Variants in HNRNPLL observed in about 807,000 individuals in gnomAD.
HNRNPLL encodes heterogeneous nuclear ribonucleoprotein L like.
HNRNPLL carries 25 observed loss-of-function variants against 67.1 expected under a neutral mutation model. The ratio of observed to expected loss-of-function variants is 0.37; its 90% CI spans 0.27 to 0.52. The LOEUF (loss-of-function observed/expected upper bound fraction) is 0.52, where lower values mean the gene tolerates loss of function less well. Ranked by LOEUF, HNRNPLL falls within the 20% of genes least tolerant of loss-of-function variation. The probability of loss-of-function intolerance (pLI) is 0.90; values close to 1 mark genes in which losing one functional copy is unlikely to be tolerated. For missense variants in HNRNPLL, 542 were observed against 673.9 expected (o/e 0.80, Z 2.17); for synonymous variants, 267 against 241.7 (o/e 1.10, Z -0.97).
At chr2:38,597,171 C>CATT (rs1185160152) in intron 1 of HNRNPLL, among the ~76,000 whole-genome samples, 2 of 152,154 alleles carry the variant, frequency 1.3e-5, no homozygotes, top group East Asian at 3.8e-4. Flanking sequence ...GTTCAATAAA[C>CATT]ATTAGTTGGC....
chr2:38,566,816 T>C (rs1481329271), intron 12 of HNRNPLL, among the ~76,000 whole-genome samples: 1 of 146,972 alleles, frequency 6.8e-6, no homozygotes, highest in Non-Finnish European at 1.5e-5. Flanking sequence ...AGACCTTGTC[T>C]CTATTAAAAA....
At position 38,562,226 on chromosome 2, in the gene HNRNPLL, G is replaced by C. The variant is rs1358673977; in HGVS notation, c.*1956C>G. On this transcript the variant is annotated 3_prime_UTR_variant, in exon 13 of 13. Transcript: ENST00000449105. ...CCTAAGTAAACTATCAAAAACATTA[G>C]TGACAGCAGCAGTATAGGGCTTACA... 6.6e-6 allele frequency: 1 copy of C among 152,138 alleles called. No homozygotes were observed. Among genetic ancestry groups the C allele is most frequent in the East Asian group, 1.9e-4 (1 of 5,198 alleles). 9.4% of individuals were successfully genotyped at this position (152,138 alleles called of 1,614,324 possible).
Position 38,566,819 on chromosome 2 carries a change from A to G in HNRNPLL, c.1573+1380T>C, listed in dbSNP as rs369313695. On this transcript the variant is annotated intron_variant, in intron 12 of 12. Transcript: ENST00000449105. Reference sequence around the variant, plus strand: ...GGCAACACAGTGAGACCTTGTCTCTATTAAAAAAAAAAAAAATTAAAAATA... The same window carrying G: ...GGCAACACAGTGAGACCTTGTCTCTGTTAAAAAAAAAAAAAATTAAAAATA... 5.4e-5 allele frequency among the ~76,000 whole-genome samples: 8 copies of G among 149,326 alleles called. No individual in the cohort carries two copies. The South Asian group carries it at 1.5e-3, about 27-fold the overall frequency.
chr2:38,602,586 TC>T lies in HNRNPLL; in HGVS notation c.40del (p.Glu14ArgfsTer92). On this transcript the variant is annotated frameshift_variant, in exon 1 of 13. Coordinates refer to ENST00000449105, the MANE Select transcript of HNRNPLL (RefSeq NM_138394.4). LOFTEE classifies it high-confidence loss of function. ...GGCCTGGCTCTCGTACTCCCGGTCC[TC>T]CTCGTACGTCTCCCTGGGGGAGGAA... ...SSSSPRETYE[E>X]DREYESQAKR... The T allele has an allele frequency of 6.4e-7, 1 of 1,571,784 alleles. No individual in the cohort carries two copies. Among genetic ancestry groups the T allele is most frequent in the Non-Finnish European group, 8.6e-7 (1 of 1,161,216 alleles).
Position 38,602,547 on chromosome 2 carries a change from G to A in HNRNPLL, c.80C>T (p.Thr27Ile), listed in dbSNP as rs1475953643. The A allele has an allele frequency of 3.2e-6, 5 of 1,563,402 alleles. No individual in the cohort carries two copies. Among genetic ancestry groups the A allele is most frequent in the Non-Finnish European group, 4.3e-6 (5 of 1,154,840 alleles). The change falls in exon 1 of 13, where the codon ACC becomes ATC. Residue 27 changes from threonine to isoleucine, a missense_variant. Around this residue, in one of 2 missense-constraint regions of HNRNPLL, gnomAD observed 127 missense variants for 98.7 expected, o/e 1.29. Transcript: ENST00000449105. ...CGAGTAGTCGATCTCCCCCTCCTCG[G>A]TCTTGAGACGCTTGGCCTGGCTCTC... ...EYESQAKRLK[T>I]EEGEIDYSAE...
intron 6 of HNRNPLL, among the ~76,000 whole-genome samples, chr2:38,578,963 A>G (rs1666413148): frequency 6.6e-6 from 1 of 152,110 alleles, no homozygotes; most frequent in Non-Finnish European, 1.5e-5. Context: ...AACGTCTCTC[A>G]TCACGCAAGT....
At chr2:38,574,256 A>G (rs1448005701) in intron 7 of HNRNPLL, among the ~76,000 whole-genome samples, 3 of 151,888 alleles carry the variant, frequency 2.0e-5, no homozygotes, top group Non-Finnish European at 2.9e-5. Flanking sequence ...ATGAGGGTGG[A>G]GAAACTGACA....
Position 38,602,886 on chromosome 2 carries a change from T to A in HNRNPLL, c.-260A>T, listed in dbSNP as rs757855306. 1 of 1,547,654 alleles carries A rather than the reference T, an allele frequency of 6.5e-7. No individual in the cohort carries two copies. The highest frequency in any genetic ancestry group is 8.7e-7 in the Non-Finnish European group (1 of 1,145,138). ...CCAACATTCAGCCTCTCCCTCCTCC[T>A]CCTCCGTCTCCGCTCCCTGCCCGGA... On this transcript the variant is annotated 5_prime_UTR_variant, in exon 1 of 13. Transcript: ENST00000449105.
rs184250668 is a variant in HNRNPLL, at chr2:38,568,860, T to C, written c.1416+273A>G. 2.2e-3 allele frequency among the ~76,000 whole-genome samples: 337 copies of C among 152,232 alleles called. 1 individual carries two copies. Among genetic ancestry groups the C allele is most frequent in the African/African-American group, 7.9e-3 (327 of 41,542 alleles). ...ATGGGTGAGATTTAAAGACACGATA[T>C]GTCTTTAAATAACTTTCTGAATGCA... On this transcript the variant is annotated intron_variant, in intron 10 of 12. Coordinates refer to ENST00000449105, the MANE Select transcript of HNRNPLL (RefSeq NM_138394.4).
At position 38,585,631 on chromosome 2, in the gene HNRNPLL, T is replaced by C. The variant is rs757880871; in HGVS notation, c.546+13A>G. The C allele has an allele frequency of 1.3e-6, 2 of 1,508,932 alleles. No homozygotes were observed. Among genetic ancestry groups the C allele is most frequent in the Non-Finnish European group, 1.8e-6 (2 of 1,084,334 alleles). 93.5% of individuals were successfully genotyped at this position (1,508,932 alleles called of 1,614,324 possible). On this transcript the variant is annotated intron_variant, in intron 3 of 12. Coordinates refer to ENST00000449105, the MANE Select transcript of HNRNPLL (RefSeq NM_138394.4). ...ATCACTTTTAATTTCATTTGTCATA[T>C]TAAAACACATACCACTGTAATTGGA...
chr2:38,575,344 A>T (rs920620117), intron 7 of HNRNPLL, among the ~76,000 whole-genome samples: 1 of 151,872 alleles, frequency 6.6e-6, no homozygotes, highest in Non-Finnish European at 1.5e-5. Flanking sequence ...ACATGGAAAA[A>T]TGCTACATAA....
chr2:38,588,604 C>T (rs1290008730), intron 2 of HNRNPLL, among the ~76,000 whole-genome samples: 1 of 147,498 alleles, frequency 6.8e-6, no homozygotes, highest in Non-Finnish European at 1.5e-5. Flanking sequence ...GTGAGGGTTA[C>T]CCAGAAAAGT....
intron 1 of HNRNPLL, among the ~76,000 whole-genome samples, chr2:38,594,559 A>C (rs186275000): frequency 6.6e-5 from 10 of 152,344 alleles, no homozygotes; most frequent in Admixed American, 6.5e-4. Context: ...AATCTAAGTG[A>C]AGGATATACG....
rs747948284 is a variant in HNRNPLL, at chr2:38,602,830, T to G, written c.-204A>C. On this transcript the variant is annotated 5_prime_UTR_variant, in exon 1 of 13. Coordinates refer to ENST00000449105, the MANE Select transcript of HNRNPLL (RefSeq NM_138394.4). ...TGAGGGGGGCGCCCCGGGAGGAAGCTCTGGAGCGGCCGCTCCTCTCAATTA... is the reference window on the plus strand; with the variant it reads ...TGAGGGGGGCGCCCCGGGAGGAAGCGCTGGAGCGGCCGCTCCTCTCAATTA... 2.6e-6 allele frequency: 4 copies of G among 1,548,514 alleles called. No individual in the cohort carries two copies. Among genetic ancestry groups the G allele is most frequent in the Middle Eastern group, 1.7e-4 (1 of 5,986 alleles).
intron 1 of HNRNPLL, among the ~76,000 whole-genome samples, chr2:38,594,318 T>A (rs1412761015): frequency 6.6e-6 from 1 of 152,204 alleles, no homozygotes. Context: ...TAGGTTAACA[T>A]AATAGAATTA....
In HNRNPLL at chr2:38,602,688, G is replaced by A; in HGVS notation, c.-62C>T. On this transcript the variant is annotated 5_prime_UTR_variant, in exon 1 of 13. Transcript: ENST00000449105. Reference sequence around the variant, plus strand: ...GGGTGGCGGTGGGGCGCGCGCCTCGGATGCCGCCGGCCAGTCCTCGCCGCC... The same window carrying A: ...GGGTGGCGGTGGGGCGCGCGCCTCGAATGCCGCCGGCCAGTCCTCGCCGCC... 7.0e-7 allele frequency: 1 copy of A among 1,424,244 alleles called. No individual in the cohort carries two copies. Among genetic ancestry groups the A allele is most frequent in the Non-Finnish European group, 9.1e-7 (1 of 1,095,414 alleles). The allele number at this position is 1,424,244 out of a possible 1,614,324, so 88.2% of individuals were successfully genotyped here. A position where few individuals can be genotyped will look rare whatever the true frequency, so the allele number is the denominator to read the frequency against.
chr2:38,564,514 G>A (rs1430907625), intron 12 of HNRNPLL, among the ~76,000 whole-genome samples: 2 of 151,142 alleles, frequency 1.3e-5, no homozygotes, highest in Non-Finnish European at 2.9e-5. Flanking sequence ...CAGCTACTCA[G>A]GAGGCTGAGG....
At position 38,585,346 on chromosome 2, in the gene HNRNPLL, T is replaced by A. The variant is rs552911103; in HGVS notation, c.546+298A>T. Among the ~76,000 whole-genome samples, 9 of 152,314 alleles carry A rather than the reference T, an allele frequency of 5.9e-5. No homozygotes were observed. The South Asian group carries it at 1.9e-3, about 32-fold the overall frequency. On this transcript the variant is annotated intron_variant, in intron 3 of 12. Transcript: ENST00000449105. ...TATGCTGGCATATGCGTGACAGAGA[T>A]TTTTTGAACGATTTCAAACAAGTCT... is the stretch of plus-strand genomic sequence containing the variant.
chr2:38,593,800 C>T (rs139087239), intron 1 of HNRNPLL, among the ~76,000 whole-genome samples: 5,108 of 150,518 alleles, frequency 0.034, 118 homozygotes, highest in South Asian at 0.08. Context: ...GAGGCACAGG[C>T]TGCAGTGAGC....
Sources: gnomAD v4.1 joint callset for allele counts (sites outside exome capture counted in the v4.1 genomes callset) on GRCh38, gnomAD v4.1.1 for gene constraint, gnomAD v4.1.1 regional missense constraint, MANE v1.5 for transcripts, NCBI Gene and HGNC (gene_info 2026-07-23, HGNC 2026-07-21) for gene names.